KIAA0825: variants seen among roughly 807,000 people sequenced by gnomAD.
KIAA0825 encodes the protein KIAA0825.
KIAA0825 carries 119 observed loss-of-function variants against 147.6 expected under a neutral mutation model. That is an observed-to-expected ratio of 0.81 (90% CI 0.69 to 0.94). The LOEUF is 0.94. Among genes scored for constraint, KIAA0825 ranks in the 40% least tolerant of loss-of-function variants. The pLI is 0.00. For synonymous variants in KIAA0825, 470 were observed against 518.1 expected, an observed-to-expected ratio of 0.91 and a Z score of 1.26; for missense variants, 1,381 against 1,472.7, an observed-to-expected ratio of 0.94 and a Z score of 1.02.
chr5:94,451,610 T>C (rs1758420248), intron 13 of KIAA0825, among the ~76,000 whole-genome samples: 1 of 152,140 alleles, frequency 6.6e-6, no homozygotes, highest in African/African-American at 2.4e-5. Context: ...TTGCTGTAGA[T>C]ATAGAAAAGA....
intron 20 of KIAA0825, among the ~76,000 whole-genome samples, chr5:94,286,995 T>A (rs1777688884): frequency 6.6e-6 from 1 of 152,176 alleles, no homozygotes; most frequent in African/African-American, 2.4e-5. Context: ...GGACAGGAGT[T>A]GGCACAGGCT....
At chr5:94,463,411 G>T (rs1200499352) in intron 11 of KIAA0825, among the ~76,000 whole-genome samples, 1 of 148,708 alleles carries the variant, frequency 6.7e-6, no homozygotes, top group Non-Finnish European at 1.5e-5. Flanking sequence ...AATAATATAT[G>T]ACACATATAT....
At chr5:94,283,658 T>A (rs759266491) in intron 20 of KIAA0825, among the ~76,000 whole-genome samples, 1 of 152,132 alleles carries the variant, frequency 6.6e-6, no homozygotes, top group Non-Finnish European at 1.5e-5. Flanking sequence ...TTTTAAAAAA[T>A]TTATTTGTTA....
chr5:94,208,417 G>A (rs893110106), intron 20 of KIAA0825, among the ~76,000 whole-genome samples: 3 of 152,210 alleles, frequency 2.0e-5, no homozygotes, highest in Admixed American at 2.0e-4. Context: ...AACATTTACT[G>A]TACATATAAT....
At chr5:94,211,133 A>C (rs1191251557) in intron 20 of KIAA0825, among the ~76,000 whole-genome samples, 1 of 152,150 alleles carries the variant, frequency 6.6e-6, no homozygotes, top group Non-Finnish European at 1.5e-5. Context: ...TCTGTTCTTT[A>C]GTCCAGAGAT....
intron 20 of KIAA0825, among the ~76,000 whole-genome samples, chr5:94,249,859 T>C (rs1461403207): frequency 6.6e-6 from 1 of 151,344 alleles, no homozygotes; most frequent in Non-Finnish European, 1.5e-5. Flanking sequence ...TTCCCCTCCA[T>C]TAAAATGTAA....
At chr5:94,579,160 T>C (rs1781614496) in intron 2 of KIAA0825, among the ~76,000 whole-genome samples, 1 of 152,188 alleles carries the variant, frequency 6.6e-6, no homozygotes, top group South Asian at 2.1e-4. Flanking sequence ...GACCTCGTGA[T>C]CTGCCCACCT....
At chr5:94,179,920 CAATT>C (rs1359734686) in intron 20 of KIAA0825, among the ~76,000 whole-genome samples, 2 of 151,830 alleles carry the variant, frequency 1.3e-5, no homozygotes, top group Non-Finnish European at 2.9e-5. Context: ...ATAATAATCA[CAATT>C]AATAAATACA....
intron 20 of KIAA0825, among the ~76,000 whole-genome samples, chr5:94,217,824 A>C (rs1481132971): frequency 6.6e-6 from 1 of 152,180 alleles, no homozygotes; most frequent in Non-Finnish European, 1.5e-5. Context: ...TTGTGTGAAT[A>C]ATACTTAGAT....
intron 20 of KIAA0825, among the ~76,000 whole-genome samples, chr5:94,261,303 T>A (rs1441113900): frequency 6.6e-6 from 1 of 151,958 alleles, no homozygotes; most frequent in African/African-American, 2.4e-5. Context: ...AGAGTCTGTT[T>A]CAAAAAAAAT....
chr5:94,276,919 C>G lies in KIAA0825; in HGVS notation c.3710+107449G>C, dbSNP rs1019043437. ...TTTCCTAAGCACACTTTTGGCCTCT[C>G]TCCGCCTCTTTACTCACTCTGTTCA... On this transcript the variant is annotated intron_variant, in intron 20 of 20. Coordinates refer to ENST00000682413, the MANE Select transcript of KIAA0825 (RefSeq NM_001145678.3). Among the ~76,000 whole-genome samples, 4 of 152,236 alleles carry G rather than the reference C, an allele frequency of 2.6e-5. No homozygotes were observed. In the South Asian group the frequency reaches 8.3e-4, roughly 32 times the overall value.
At chr5:94,483,692 A>G (rs1414906445) in intron 6 of KIAA0825, among the ~76,000 whole-genome samples, 1 of 151,770 alleles carries the variant, frequency 6.6e-6, no homozygotes, top group East Asian at 1.9e-4. Flanking sequence ...ATTTTATAAT[A>G]TAACAGTGTT....
At chr5:94,367,930 G>A (rs1554265028) in intron 20 of KIAA0825, among the ~76,000 whole-genome samples, 1 of 152,206 alleles carries the variant, frequency 6.6e-6, no homozygotes, top group Non-Finnish European at 1.5e-5. Context: ...CAGGAATAGA[G>A]AAATGATTAG....
chr5:94,350,174 C>T (rs943583565), intron 20 of KIAA0825, among the ~76,000 whole-genome samples: 4 of 151,972 alleles, frequency 2.6e-5, no homozygotes, highest in Non-Finnish European at 5.9e-5. Context: ...AACTAGGAAA[C>T]CTAGAAGAGA....
intron 14 of KIAA0825, among the ~76,000 whole-genome samples, chr5:94,438,002 C>T (rs931270598): frequency 2.0e-5 from 3 of 152,188 alleles, no homozygotes; most frequent in East Asian, 1.9e-4. Context: ...TACAGCCTTG[C>T]CTACCTAGCT....
chr5:94,520,046 C>A, intron 5 of KIAA0825: 1 of 1,129,690 alleles, frequency 8.9e-7, no homozygotes, highest in Non-Finnish European at 1.1e-6. Context: ...ATATCTTTAA[C>A]AATTTAATAA....
intron 20 of KIAA0825, among the ~76,000 whole-genome samples, chr5:94,183,163 A>G (rs1470826685): frequency 1.3e-5 from 2 of 152,198 alleles, no homozygotes; most frequent in East Asian, 3.8e-4. Context: ...CTCATCATTC[A>G]GCTAAAAGTA....
chr5:94,530,184 T>A (rs1323104416), intron 3 of KIAA0825, among the ~76,000 whole-genome samples: 1 of 138,844 alleles, frequency 7.2e-6, no homozygotes, highest in East Asian at 2.2e-4. Context: ...GGCAGAAGAA[T>A]CGCTTTAACT....
At chr5:94,391,757 T>C (rs1174869438) in intron 17 of KIAA0825, 63 bp from the exon 18 acceptor site, 11 of 1,284,926 alleles carry the variant, frequency 8.6e-6, no homozygotes, top group Non-Finnish European at 1.2e-5. Context: ...AGAGTAATCA[T>C]GGAGATGGAG....
Sources: gnomAD v4.1 joint callset for allele counts (sites outside exome capture counted in the v4.1 genomes callset) on GRCh38, gnomAD v4.1.1 for gene constraint, MANE v1.5 for transcripts, NCBI Gene and HGNC (gene_info 2026-07-23, HGNC 2026-07-21) for gene names.